TPD52: variants seen among roughly 807,000 people sequenced by gnomAD.
TPD52 encodes prostate and colon associated protein.
Under a neutral mutation model 31.3 loss-of-function variants are expected in TPD52, and 17 were observed. The ratio of observed to expected loss-of-function variants is 0.54; its 90% confidence interval spans 0.37 to 0.82. TPD52 has a LOEUF of 0.82. TPD52 is among the 40% of genes least tolerant of loss of function. The probability of loss-of-function intolerance (pLI) is 0.00; values close to 1 mark genes in which losing one functional copy is unlikely to be tolerated. For synonymous variants in TPD52, 83 were observed against 89.6 expected (o/e 0.93, Z 0.42); for missense variants, 212 against 240.1 (o/e 0.88, Z 0.77).
chr8:80,075,580 A>AT (rs1423752658), intron 1 of TPD52, among the ~76,000 whole-genome samples: 12 of 151,556 alleles, frequency 7.9e-5, no homozygotes, highest in Admixed American at 1.3e-4. Flanking sequence ...AATCTCTTTC[A>AT]TTTTTTTTTA....
In TPD52 at chr8:80,042,895, T is replaced by A. The variant is rs1810518315; in HGVS notation, c.456-227A>T. 7.3e-6 allele frequency: 3 copies of A among 412,458 alleles called. No homozygotes were observed. In the East Asian group the frequency reaches 1.1e-4, roughly 16 times the overall value. 25.5% of individuals were successfully genotyped at this position (412,458 alleles called of 1,614,324 possible). A position where few individuals can be genotyped will look rare whatever the true frequency, so the allele number is the denominator to read the frequency against. ...CATTTGATTCCATGAACAGGGCCAG[T>A]CTCAGACATAAGTAATATAGATATG... On this transcript the variant is annotated intron_variant, in intron 6 of 7. Coordinates refer to ENST00000518937, the MANE Select transcript of TPD52 (RefSeq NM_001025253.3).
At chr8:80,164,024 C>CAGAGAGAG (rs58566558) in intron 1 of TPD52, among the ~76,000 whole-genome samples, 1 of 110,224 alleles carries the variant, frequency 9.1e-6, no homozygotes. Context: ...GAGAGAGAGA[C>CAGAGAGAG]AGAGAGAGAG....
chr8:80,097,734 T>C (rs1479937918), intron 1 of TPD52, among the ~76,000 whole-genome samples: 1 of 152,200 alleles, frequency 6.6e-6, no homozygotes, highest in Non-Finnish European at 1.5e-5. Context: ...GGTAGCTCTT[T>C]ACAGCAATGC....
intron 1 of TPD52, among the ~76,000 whole-genome samples, chr8:80,131,473 A>G (rs1416429357): frequency 6.6e-6 from 1 of 152,188 alleles, no homozygotes; most frequent in African/African-American, 2.4e-5. Flanking sequence ...GGTATCTTCA[A>G]AAGATCAGTA....
intron 1 of TPD52, among the ~76,000 whole-genome samples, chr8:80,123,324 G>C (rs1314536824): frequency 6.6e-6 from 1 of 152,054 alleles, no homozygotes; most frequent in Non-Finnish European, 1.5e-5. Context: ...AAAATGTGTA[G>C]GTCTTATTAA....
chr8:80,052,665 G>C, intron 3 of TPD52: 1 of 1,289,154 alleles, frequency 7.8e-7, no homozygotes, highest in Non-Finnish European at 1.0e-6. Context: ...GCTGCTAGAA[G>C]CTTGCTCCTC....
chr8:80,051,311 A>C (rs548915536), intron 4 of TPD52: 2 of 550,452 alleles, frequency 3.6e-6, no homozygotes, highest in Admixed American at 3.5e-5. Context: ...TTTTTCAACA[A>C]CCTTAAATGA....
At chr8:80,069,232 G>A (rs1813487566) in intron 1 of TPD52, among the ~76,000 whole-genome samples, 1 of 152,030 alleles carries the variant, frequency 6.6e-6, no homozygotes, top group South Asian at 2.1e-4. Flanking sequence ...GGGAGGCCAA[G>A]GTGGGAGGAT....
intron 1 of TPD52, among the ~76,000 whole-genome samples, chr8:80,070,226 T>A (rs948905754): frequency 6.6e-6 from 1 of 152,084 alleles, no homozygotes; most frequent in South Asian, 2.1e-4. Flanking sequence ...GAGCACCCAC[T>A]TAAATGGTTA....
rs546689602 is a variant in TPD52 at position 80,037,834 on chromosome 8, A to G, written c.*282T>C. 2 of 262,112 alleles carry G rather than the reference A, an allele frequency of 7.6e-6. No individual in the cohort carries two copies. Among genetic ancestry groups the G allele is most frequent in the Non-Finnish European group, 1.4e-5 (2 of 140,250 alleles). The allele number at this position is 262,112 out of a possible 1,614,324, so 16.2% of individuals were successfully genotyped here. A position where few individuals can be genotyped will look rare whatever the true frequency, so the allele number is the denominator to read the frequency against. On this transcript the variant is annotated 3_prime_UTR_variant, in exon 8 of 8. Coordinates refer to ENST00000518937, the MANE Select transcript of TPD52 (RefSeq NM_001025253.3). ...CAGGAAAACAACTATGACAATCTGT[A>G]GCTTCTTAGATCATTATAGTGAATG...
At chr8:80,143,497 C>T (rs1034607780) in intron 1 of TPD52, among the ~76,000 whole-genome samples, 32 of 152,294 alleles carry the variant, frequency 2.1e-4, no homozygotes, top group African/African-American at 6.3e-4. Context: ...GGAAGCCACC[C>T]ACAGTGAGCT....
chr8:80,123,995 A>G (rs1808431458), intron 1 of TPD52, among the ~76,000 whole-genome samples: 1 of 152,236 alleles, frequency 6.6e-6, no homozygotes, highest in Non-Finnish European at 1.5e-5. Context: ...AAACTCACAA[A>G]GGAAAAGCCT....
intron 1 of TPD52, among the ~76,000 whole-genome samples, chr8:80,118,784 T>G (rs953747461): frequency 6.6e-6 from 1 of 152,156 alleles, no homozygotes; most frequent in Non-Finnish European, 1.5e-5. Flanking sequence ...TTGGTGACGA[T>G]CCAGAGAAAC....
downstream of TPD52, among the ~76,000 whole-genome samples, chr8:80,033,568 G>A (rs1002459253): frequency 3.9e-5 from 6 of 152,160 alleles, no homozygotes; most frequent in South Asian, 4.1e-4. Flanking sequence ...GTCTGGGAGC[G>A]TGTCACCGCC....
At chr8:80,127,357 T>C (rs968677729) in intron 1 of TPD52, among the ~76,000 whole-genome samples, 2 of 152,240 alleles carry the variant, frequency 1.3e-5, no homozygotes, top group Non-Finnish European at 2.9e-5. Flanking sequence ...CGTTCATGTA[T>C]ATTTTGATAA....
In TPD52 at chr8:80,064,603, G is replaced by C; in HGVS notation, c.20-10C>G. 10 of 1,607,006 alleles carry C rather than the reference G, an allele frequency of 6.2e-6. No homozygotes were observed. Among genetic ancestry groups the C allele is most frequent in the Non-Finnish European group, 8.5e-6 (10 of 1,173,660 alleles). On this transcript the variant is annotated splice_polypyrimidine_tract_variant and intron_variant, in intron 1 of 7. Transcript: ENST00000518937. ...TCTGTTCTCAGCAGACCTGGTTGGG[G>C]ATTTAAACCATTTTTTAAAGTGCAA...
At chr8:80,167,864 G>A (rs1050617951) in intron 1 of TPD52, among the ~76,000 whole-genome samples, 11 of 152,144 alleles carry the variant, frequency 7.2e-5, no homozygotes, top group African/African-American at 2.7e-4. Flanking sequence ...AGTGGGCTAC[G>A]TGACTGTCAC....
At chr8:80,051,490 T>C in intron 4 of TPD52, 37 bp downstream of exon 4, 2 of 1,575,462 alleles carry the variant, frequency 1.3e-6, no homozygotes, top group Non-Finnish European at 1.7e-6. Flanking sequence ...TTAATTTGCG[T>C]CAGCTACTTA....
At chr8:80,086,289 T>C (rs899932646) in intron 1 of TPD52, among the ~76,000 whole-genome samples, 19 of 151,738 alleles carry the variant, frequency 1.3e-4, no homozygotes, top group African/African-American at 4.4e-4. Context: ...CAGCTAATTT[T>C]TGTATTTTTA....
Sources: gnomAD v4.1 joint callset for allele counts (sites outside exome capture counted in the v4.1 genomes callset) on GRCh38, gnomAD v4.1.1 for gene constraint, MANE v1.5 for transcripts, NCBI Gene and HGNC (gene_info 2026-07-23, HGNC 2026-07-21) for gene names.